SEMA6D: variants seen among roughly 807,000 people sequenced by gnomAD.
SEMA6D encodes the protein semaphorin-6D.
SEMA6D carries 35 observed loss-of-function variants against 106.6 expected under a neutral mutation model. The ratio of observed to expected loss-of-function variants is 0.33; its 90% CI spans 0.25 to 0.44. The LOEUF is 0.44. Ranked by LOEUF, SEMA6D falls within the 20% of genes least tolerant of loss-of-function variation. The pLI, the probability that SEMA6D is intolerant of heterozygous loss-of-function variation, is 1.00. For missense variants in SEMA6D, 1,185 were observed against 1,345.9 expected (o/e 0.88, Z 1.87); for synonymous variants, 499 against 487.7 (o/e 1.02, Z -0.31).
intron 3 of SEMA6D, among the ~76,000 whole-genome samples, chr15:47,473,195 A>C (rs571444113): frequency 6.6e-6 from 1 of 152,230 alleles, no homozygotes; most frequent in East Asian, 1.9e-4. Flanking sequence ...TGGCAGCCTC[A>C]CCCTCACTTC....
chr15:47,530,908 A>G (rs182934777), intron 3 of SEMA6D, among the ~76,000 whole-genome samples: 1 of 152,312 alleles, frequency 6.6e-6, no homozygotes, highest in East Asian at 1.9e-4. Flanking sequence ...AGGGTCATGG[A>G]TATAATTAAA....
chr15:47,303,408 A>G (rs1004811418), intron 1 of SEMA6D, among the ~76,000 whole-genome samples: 4 of 152,142 alleles, frequency 2.6e-5, no homozygotes, highest in African/African-American at 9.7e-5. Context: ...TGACTTTTAC[A>G]TGGTTTACTT....
upstream of SEMA6D, among the ~76,000 whole-genome samples, chr15:47,713,320 A>G (rs553125186): frequency 1.1e-4 from 16 of 152,322 alleles, no homozygotes; most frequent in South Asian, 3.1e-3. Flanking sequence ...GTGGTATACT[A>G]TCATACTACA....
intron 1 of SEMA6D, among the ~76,000 whole-genome samples, chr15:47,213,636 A>G (rs1030463999): frequency 2.0e-5 from 3 of 152,180 alleles, no homozygotes; most frequent in African/African-American, 4.8e-5. Context: ...TATATATCCC[A>G]TTGGATTTTA....
At chr15:47,619,447 C>T (rs768256518) in intron 4 of SEMA6D, among the ~76,000 whole-genome samples, 1 of 152,224 alleles carries the variant, frequency 6.6e-6, no homozygotes, top group Admixed American at 6.5e-5. Context: ...GGTATGAGGA[C>T]GTGTTCCTTG....
intron 1 of SEMA6D, among the ~76,000 whole-genome samples, chr15:47,219,977 C>A (rs1281069442): frequency 2.0e-5 from 3 of 152,152 alleles, no homozygotes; most frequent in Non-Finnish European, 4.4e-5. Flanking sequence ...AGTGTCTCAT[C>A]CTGCAGCAGG....
At chr15:47,450,471 G>A (rs959971629) in intron 2 of SEMA6D, among the ~76,000 whole-genome samples, 1 of 152,032 alleles carries the variant, frequency 6.6e-6, no homozygotes, top group Non-Finnish European at 1.5e-5. Flanking sequence ...GTGTCCCTAT[G>A]GCAGGGGTGT....
chr15:47,188,998 CTA>C (rs1484455953), intron 1 of SEMA6D, among the ~76,000 whole-genome samples: 1 of 152,110 alleles, frequency 6.6e-6, no homozygotes, highest in African/African-American at 2.4e-5. Context: ...TAGAAAAACA[CTA>C]TTATAGCACC....
chr15:47,356,594 G>A (rs1252526009), intron 1 of SEMA6D, among the ~76,000 whole-genome samples: 1 of 151,960 alleles, frequency 6.6e-6, no homozygotes, highest in African/African-American at 2.4e-5. Context: ...TCCTTACAAA[G>A]GTGTGTGTCA....
At chr15:47,541,148 A>G (rs1021375598) in intron 3 of SEMA6D, among the ~76,000 whole-genome samples, 13 of 152,166 alleles carry the variant, frequency 8.5e-5, no homozygotes, top group African/African-American at 1.4e-4. Flanking sequence ...GGATGTGACA[A>G]AACATTCATG....
chr15:47,511,174 G>A (rs1010586562), intron 3 of SEMA6D, among the ~76,000 whole-genome samples: 2 of 152,152 alleles, frequency 1.3e-5, no homozygotes, highest in African/African-American at 4.8e-5. Flanking sequence ...TTTCAGAGCA[G>A]CTTTGGGGAG....
chr15:47,326,165 A>G (rs1043665876), intron 1 of SEMA6D, among the ~76,000 whole-genome samples: 1 of 152,170 alleles, frequency 6.6e-6, no homozygotes. Context: ...AATTTTCACT[A>G]ATTTCTTTGC....
intron 1 of SEMA6D, among the ~76,000 whole-genome samples, chr15:47,286,030 C>T (rs2035346282): frequency 6.6e-6 from 1 of 152,110 alleles, no homozygotes; most frequent in African/African-American, 2.4e-5. Context: ...TTAATCATTC[C>T]ATCCCATGTG....
chr15:47,194,449 G>A (rs776681742), intron 1 of SEMA6D, among the ~76,000 whole-genome samples: 9 of 152,188 alleles, frequency 5.9e-5, no homozygotes, highest in East Asian at 1.9e-4. Flanking sequence ...GGGAAATTGC[G>A]TGTGGGGGCT....
intron 3 of SEMA6D, among the ~76,000 whole-genome samples, chr15:47,493,104 T>C (rs1237472210): frequency 2.6e-5 from 4 of 152,136 alleles, no homozygotes; most frequent in African/African-American, 9.7e-5. Context: ...AGAGTAAGAA[T>C]TGACCACAAC....
intron 2 of SEMA6D, among the ~76,000 whole-genome samples, chr15:47,414,539 A>T (rs2040899421): frequency 1.3e-5 from 2 of 152,334 alleles, no homozygotes; most frequent in South Asian, 4.1e-4. Context: ...CATCTGGACC[A>T]CAGAAGTCAT....
intron 4 of SEMA6D, among the ~76,000 whole-genome samples, chr15:47,603,719 T>C (rs1336851654): frequency 6.6e-6 from 1 of 151,946 alleles, no homozygotes; most frequent in Non-Finnish European, 1.5e-5. Flanking sequence ...TTAAGTCCCC[T>C]CCCCCTCGCC....
intron 3 of SEMA6D, among the ~76,000 whole-genome samples, chr15:47,580,750 A>T (rs564962880): frequency 4.2e-4 from 64 of 152,240 alleles, no homozygotes; most frequent in Non-Finnish European, 7.3e-4. Context: ...ATTAAATTCA[A>T]GTGAGTGGAG....
chr15:47,539,586 G>A (rs968846624), intron 3 of SEMA6D, among the ~76,000 whole-genome samples: 2 of 151,858 alleles, frequency 1.3e-5, no homozygotes, highest in East Asian at 3.9e-4. Context: ...CACCACACCC[G>A]GCTAATTTTT....
Sources: allele counts gnomAD v4.1 joint callset (sites outside exome capture counted in the v4.1 genomes callset), GRCh38; gene constraint gnomAD v4.1.1; transcripts MANE v1.5; gene names NCBI Gene and HGNC (gene_info 2026-07-23, HGNC 2026-07-21).